The following GRIK1 variants were observed in gnomAD, a reference collection of about 807,000 sequenced individuals.
The protein encoded by GRIK1 is glutamate ionotropic receptor kainate type subunit 1.
A neutral mutation model predicts 105.7 loss-of-function variants in GRIK1; 69 were observed. That is an observed-to-expected ratio of 0.65 (90% CI 0.54 to 0.80). The LOEUF is 0.80. Ranked by LOEUF, GRIK1 falls within the 30% of genes least tolerant of loss-of-function variation. The pLI is 0.00. For synonymous variants in GRIK1, 438 were observed against 431.3 expected, an observed-to-expected ratio of 1.02 and a Z score of -0.19; for missense variants, 1,109 against 1,167.3, an observed-to-expected ratio of 0.95 and a Z score of 0.73.
rs541782706 is a variant in GRIK1, at chr21:29,734,345, A to ACTTTTCTTTT, written c.119-40292_119-40283dup. 2.4e-3 allele frequency among the ~76,000 whole-genome samples: 318 copies of ACTTTTCTTTT among 135,248 alleles called. 9 individuals carry two copies. The highest frequency in any genetic ancestry group is 9.9e-3 in the African/African-American group (302 of 30,476). 88.7% of individuals were successfully genotyped at this position (135,248 alleles called of 152,430 possible). A position where few individuals can be genotyped will look rare whatever the true frequency, so the allele number is the denominator to read the frequency against. ...TTTAATGGATATACTGGATCATAGC[A>ACTTTTCTTTT]CTTTTCTTTTCTTTTCTTTTCTTTT... On this transcript the variant is annotated intron_variant, in intron 1 of 17. Transcript: ENST00000327783.
chr21:29,847,915 C>CCT (rs149581180), intron 1 of GRIK1, among the ~76,000 whole-genome samples: 3 of 146,392 alleles, frequency 2.0e-5, no homozygotes, highest in South Asian at 2.2e-4. Context: ...TCTCTCTCTC[C>CCT]CTCTCTCTCT....
chr21:29,763,494 G>T (rs1001518298), intron 1 of GRIK1: 2 of 152,422 alleles, frequency 1.3e-5, no homozygotes, highest in African/African-American at 4.8e-5. Context: ...ATTATTTGAG[G>T]AGTGGGTGGG....
At chr21:29,556,715 A>G (rs1357404212) in intron 15 of GRIK1, among the ~76,000 whole-genome samples, 1 of 152,218 alleles carries the variant, frequency 6.6e-6, no homozygotes, top group African/African-American at 2.4e-5. Flanking sequence ...GCAAGAAGGA[A>G]AGGATTTCAA....
At chr21:29,644,024 A>G (rs2062568434) in intron 6 of GRIK1, among the ~76,000 whole-genome samples, 2 of 152,140 alleles carry the variant, frequency 1.3e-5, no homozygotes, top group South Asian at 4.1e-4. Context: ...AATAGGGATT[A>G]TATACATAGC....
At chr21:29,677,742 T>C (rs1348039322) in intron 3 of GRIK1, among the ~76,000 whole-genome samples, 1 of 152,128 alleles carries the variant, frequency 6.6e-6, no homozygotes, top group Non-Finnish European at 1.5e-5. Flanking sequence ...ACCTCTGAGG[T>C]GAATAGGTGT....
At chr21:29,916,267 G>A (rs1353786743) in intron 1 of GRIK1, among the ~76,000 whole-genome samples, 1 of 151,738 alleles carries the variant, frequency 6.6e-6, no homozygotes, top group Admixed American at 6.6e-5. Flanking sequence ...AATGAAATGA[G>A]ATTATTTATG....
chr21:29,750,165 A>G (rs535420657), intron 1 of GRIK1, among the ~76,000 whole-genome samples: 79 of 151,912 alleles, frequency 5.2e-4, no homozygotes, highest in African/African-American at 1.8e-3. Context: ...AATATGTACA[A>G]TCATACCTAA....
chr21:29,907,188 A>C (rs1397352257), intron 1 of GRIK1, among the ~76,000 whole-genome samples: 6 of 152,016 alleles, frequency 3.9e-5, no homozygotes, highest in Non-Finnish European at 8.8e-5. Context: ...AAAGAATTCA[A>C]TACAATCTCC....
At chr21:29,883,032 T>C (rs2069480979) in intron 1 of GRIK1, among the ~76,000 whole-genome samples, 1 of 152,208 alleles carries the variant, frequency 6.6e-6, no homozygotes, top group Middle Eastern at 3.4e-3. Context: ...GGCTTTAACA[T>C]AGTTCTGTGT....
intron 1 of GRIK1, among the ~76,000 whole-genome samples, chr21:29,871,242 T>C (rs1344178159): frequency 2.0e-5 from 3 of 152,208 alleles, no homozygotes; most frequent in Non-Finnish European, 2.9e-5. Context: ...TGGAGCATGA[T>C]AGGTGGCCAA....
intron 16 of GRIK1, among the ~76,000 whole-genome samples, chr21:29,546,341 G>A (rs1415471790): frequency 1.3e-5 from 2 of 152,152 alleles, no homozygotes; most frequent in Admixed American, 6.5e-5. Context: ...CTGCCTACAC[G>A]CTGTTATTCT....
intron 1 of GRIK1, among the ~76,000 whole-genome samples, chr21:29,774,206 G>T (rs1467204830): frequency 6.6e-6 from 1 of 152,046 alleles, no homozygotes; most frequent in Non-Finnish European, 1.5e-5. Flanking sequence ...TCAACAGAAA[G>T]CACTTTTGTC....
chr21:29,639,032 T>C (rs1378745527), intron 7 of GRIK1, among the ~76,000 whole-genome samples: 3 of 152,178 alleles, frequency 2.0e-5, no homozygotes, highest in South Asian at 2.1e-4. Context: ...CAGAGTTAAA[T>C]AGGTTGGTCT....
At chr21:29,850,810 A>G (rs1242714689) in intron 1 of GRIK1, among the ~76,000 whole-genome samples, 3 of 152,232 alleles carry the variant, frequency 2.0e-5, no homozygotes, top group Admixed American at 6.5e-5. Context: ...GGGAAATAGT[A>G]TAACTACTAC....
intron 1 of GRIK1, among the ~76,000 whole-genome samples, chr21:29,727,088 A>T (rs2064487737): frequency 6.6e-6 from 1 of 151,882 alleles, no homozygotes; most frequent in African/African-American, 2.4e-5. Context: ...GCATGCAAGA[A>T]AAATTTTTTG....
intron 7 of GRIK1, among the ~76,000 whole-genome samples, chr21:29,612,088 A>G (rs2061742083): frequency 6.6e-6 from 1 of 152,224 alleles, no homozygotes; most frequent in African/African-American, 2.4e-5. Flanking sequence ...AGTAGAAACA[A>G]AATAAGCCTT....
intron 1 of GRIK1, among the ~76,000 whole-genome samples, chr21:29,865,162 C>T (rs1346524900): frequency 1.3e-5 from 2 of 152,174 alleles, no homozygotes; most frequent in African/African-American, 4.8e-5. Context: ...CTCCTGCCTA[C>T]AGTAGGTGAG....
At chr21:29,691,812 C>G (rs1442138455) in intron 2 of GRIK1, among the ~76,000 whole-genome samples, 1 of 152,170 alleles carries the variant, frequency 6.6e-6, no homozygotes, top group Non-Finnish European at 1.5e-5. Context: ...ACTTTGACAG[C>G]CATATTGCAG....
In GRIK1 at chr21:29,811,094, G is replaced by T. The variant is rs567291884; in HGVS notation, c.119-117031C>A. ...TAATAATCTGGTGGTGCTCGCTGCT[G>T]CTGGCTCCGAGTGAAAGTGTAAGTG... is the stretch of plus-strand genomic sequence containing the variant. On this transcript the variant is annotated intron_variant, in intron 1 of 17. Transcript: ENST00000327783. Among the ~76,000 whole-genome samples the T allele has an allele frequency of 3.9e-5, 6 of 152,212 alleles. No homozygotes were observed. The East Asian group carries it at 1.2e-3, about 29-fold the overall frequency.
Sources: gnomAD v4.1 joint callset for allele counts (sites outside exome capture counted in the v4.1 genomes callset) on GRCh38, gnomAD v4.1.1 for gene constraint, MANE v1.5 for transcripts, NCBI Gene and HGNC (gene_info 2026-07-23, HGNC 2026-07-21) for gene names.